The following TBX1 variants were observed in gnomAD, a reference collection of about 807,000 sequenced individuals.
The protein encoded by TBX1 is T-box transcription factor 1.
In TBX1, 16 loss-of-function variants were observed where a neutral mutation model predicts 40.8. That is an observed-to-expected ratio of 0.39 (90% CI 0.27 to 0.60). TBX1 has a LOEUF of 0.60. Ranked by LOEUF, TBX1 falls within the 20% of genes least tolerant of loss-of-function variation. TBX1 has a pLI of 0.51. For missense variants in TBX1, 755 were observed against 728.5 expected (o/e 1.04, Z -0.42); for synonymous variants, 403 against 336.8 (o/e 1.20, Z -2.15).
At chr22:19,759,365 C>T, upstream of TBX1, 1 of 490,474 alleles carries the variant, frequency 2.0e-6, no homozygotes, top group Non-Finnish European at 2.6e-6. Context: ...ATCCTCTGGG[C>T]CAGGGGCCCC....
intron 2 of TBX1, 87 bp downstream of exon 2, chr22:19,763,429 G>T: frequency 8.0e-7 from 1 of 1,253,040 alleles, no homozygotes; most frequent in Non-Finnish European, 1.2e-6. Flanking sequence ...TCCAAGGGTC[G>T]TCTGCACCAT....
intron 6 of TBX1, 70 bp downstream of exon 6, chr22:19,766,072 C>T (rs1369494570): frequency 3.1e-6 from 4 of 1,297,312 alleles, no homozygotes; most frequent in Non-Finnish European, 4.0e-6. Context: ...CGGCCTCGCC[C>T]GACCTCGCCT....
intron 1 of TBX1, 52 bp downstream of exon 1, chr22:19,761,332 G>A (rs550125993): frequency 1.3e-6 from 2 of 1,502,034 alleles, no homozygotes; most frequent in Admixed American, 2.0e-5. Context: ...TGCCGCCAGG[G>A]CTGCGGGCCT....
chr22:19,773,989 C>T (rs936202521), intron 8 of TBX1, among the ~76,000 whole-genome samples: 13 of 152,232 alleles, frequency 8.5e-5, no homozygotes, highest in Admixed American at 2.0e-4. Flanking sequence ...ATTTGAGCTG[C>T]AGGACAGAGA....
Position 19,760,791 on chromosome 22 carries a change from C to T in TBX1, c.-53C>T. ...GCGGCGCCCGCCACTCGGCCCGCGG[C>T]GCGGGGCAGCGCTCAGCTTGGTGGC... is the stretch of plus-strand genomic sequence containing the variant. On this transcript the variant is annotated 5_prime_UTR_variant, in exon 1 of 7. Coordinates refer to ENST00000649276, the MANE Select transcript of TBX1 (RefSeq NM_001379200.1). 1.9e-6 allele frequency: 1 copy of T among 528,358 alleles called. No homozygotes were observed. The highest frequency in any genetic ancestry group is 7.9e-5 in the South Asian group (1 of 12,662). 32.7% of individuals were successfully genotyped at this position (528,358 alleles called of 1,614,324 possible). A position where few individuals can be genotyped will look rare whatever the true frequency, so the allele number is the denominator to read the frequency against.
upstream of TBX1, chr22:19,759,441 TGCGGCTGGGCACACGCAGTCG>T: frequency 7.2e-7 from 1 of 1,387,534 alleles, no homozygotes; most frequent in Admixed American, 3.4e-5. Flanking sequence ...CTGGGCGCGG[TGCGGCTGGGCACACGCAGTCG>T]GAGGCGGCGC....
Position 19,766,699 on chromosome 22 carries a change from C to T in TBX1, c.1347C>T (p.Gly449=), listed in dbSNP as rs1358757635. 9.7e-6 allele frequency: 15 copies of T among 1,547,078 alleles called. No homozygotes were observed. Among genetic ancestry groups the T allele is most frequent in the Non-Finnish European group, 1.2e-5 (14 of 1,155,508 alleles). The part of the protein sequence containing the change: ...KSRPAPYPLP[G]LRGHGYHPHA... The stretch of plus-strand genomic sequence containing the variant: ...GGCCGGCGCCCTACCCGCTGCCCGG[C>T]CTGCGTGGCCACGGCTACCACCCGC... The change falls in exon 7 of 7, where the codon GGC becomes GGT. Residue 449 remains glycine, a synonymous_variant. Transcript: ENST00000649276.
At chr22:19,780,376 T>C (rs897702164), downstream of TBX1, among the ~76,000 whole-genome samples, 12 of 152,232 alleles carry the variant, frequency 7.9e-5, no homozygotes, top group African/African-American at 2.7e-4. Context: ...GCATTTGTCT[T>C]TTTGTGGCTG....
In TBX1 at chr22:19,766,634, C is replaced by T. The variant is rs368614435; in HGVS notation, c.1282C>T (p.Pro428Ser). Reference protein sequence around the residue: ...EPLHHHPYKYPAAAYDHYLGA... With the variant: ...EPLHHHPYKYSAAAYDHYLGA... ...GCTGCACCACCACCCCTACAAATAT[C>T]CGGCCGCCGCCTACGACCACTATCT... The change falls in exon 7 of 7, where the codon CCG becomes TCG. Residue 428 changes from proline (P) to serine (S), a missense_variant. Transcript: ENST00000649276. 4.5e-6 allele frequency: 7 copies of T among 1,549,208 alleles called. No homozygotes were observed. The highest frequency in any genetic ancestry group is 6.1e-6 in the Non-Finnish European group (7 of 1,155,982).
rs1390963668 is a variant in TBX1 at position 19,766,787 on chromosome 22, G to A, written c.1435G>A (p.Ala479Thr). 1 of 1,498,610 alleles carries A rather than the reference G, an allele frequency of 6.7e-7. No homozygotes were observed. Among genetic ancestry groups the A allele is most frequent in the Non-Finnish European group, 8.8e-7 (1 of 1,139,390 alleles). The allele number at this position is 1,498,610 out of a possible 1,614,324, so 92.8% of individuals were successfully genotyped here. ...AGCCGCCGCGGCCGCCGCCGCCGCTGCCGCAGCTGCCGCGGCCGCCAACAT... is the reference window on the plus strand; with the variant it reads ...AGCCGCCGCGGCCGCCGCCGCCGCTACCGCAGCTGCCGCGGCCGCCAACAT... ...SPAAAAAAAA[A>T]AAAAAANMYS... is the part of the protein sequence containing the mutation. The change falls in exon 7 of 7, where the codon GCC (alanine) becomes ACC (threonine). Residue 479 changes from alanine (A) to threonine (T), a missense_variant. Around this residue, in one of 3 missense-constraint regions of TBX1, gnomAD observed 412 missense variants for 317.6 expected, o/e 1.30. Transcript: ENST00000649276.
In TBX1 at chr22:19,766,584, T is replaced by G. The variant is rs1478362771; in HGVS notation, c.1232T>G (p.Leu411Arg). ...RPSPPNPELR[L>R]EAPGASEPLH... ...AGTCCCCCGAACCCCGAGCTGCGCC[T>G]GGAGGCGCCCGGCGCATCGGAGCCG... Residue 411 changes from leucine (L) to arginine (R), a missense_variant, in exon 7 of 7, where the codon CTG becomes CGG. By Grantham distance (102) the Leu-to-Arg change is moderately radical (BLOSUM62 -2). This residue lies in a region of TBX1 where 412 missense variants were observed against 317.6 expected (regional missense o/e 1.30). Transcript: ENST00000649276. The G allele has an allele frequency of 6.8e-7, 1 of 1,471,202 alleles. No homozygotes were observed. The highest frequency in any genetic ancestry group is 9.0e-7 in the Non-Finnish European group (1 of 1,115,624). 91.1% of individuals were successfully genotyped at this position (1,471,202 alleles called of 1,614,324 possible). A position where few individuals can be genotyped will look rare whatever the true frequency, so the allele number is the denominator to read the frequency against.
chr22:19,763,868 G>A lies in TBX1; in HGVS notation c.540-287G>A, dbSNP rs548574135. 2.6e-5 allele frequency among the ~76,000 whole-genome samples: 4 copies of A among 152,314 alleles called. No homozygotes were observed. The East Asian group carries it at 7.7e-4, about 30-fold the overall frequency. ...GCTCCCACCGCAGCGGCACCGGGGC[G>A]GGAGGACCCGCATCCAGCGAAATGA... On this transcript the variant is annotated intron_variant, in intron 2 of 6. Coordinates refer to ENST00000649276, the MANE Select transcript of TBX1 (RefSeq NM_001379200.1).
chr22:19,767,276 T>C lies in TBX1; in HGVS notation c.*409T>C. The C allele has an allele frequency of 1.0e-6, 1 of 999,596 alleles. No homozygotes were observed. Among genetic ancestry groups the C allele is most frequent in the Non-Finnish European group, 1.2e-6 (1 of 839,578 alleles). 61.9% of individuals were successfully genotyped at this position (999,596 alleles called of 1,614,324 possible). A position where few individuals can be genotyped will look rare whatever the true frequency, so the allele number is the denominator to read the frequency against. ...GCGGTGTAGATACATGTAGATACTG[T>C]AGATACTGTAGATACCGCCCCGGCG... On this transcript the variant is annotated 3_prime_UTR_variant, in exon 7 of 7. Transcript: ENST00000649276.
chr22:19,772,546 C>A (rs768137026), intron 8 of TBX1, among the ~76,000 whole-genome samples: 3 of 152,078 alleles, frequency 2.0e-5, no homozygotes, highest in Non-Finnish European at 2.9e-5. Flanking sequence ...GAACTCTTGG[C>A]CTCAAGTGAT....
chr22:19,758,806 G>T (rs72646947), upstream of TBX1, among the ~76,000 whole-genome samples: 2 of 152,220 alleles, frequency 1.3e-5, no homozygotes, highest in African/African-American at 4.8e-5. Context: ...CGCGGGCTGC[G>T]CAGCCTGGGC....
upstream of TBX1, chr22:19,759,569 G>A (rs1436767583): frequency 6.3e-7 from 1 of 1,590,070 alleles, no homozygotes; most frequent in Non-Finnish European, 8.5e-7. Context: ...GGAGGCGGCG[G>A]AGCGCACCGC....
rs139776757 is a variant in TBX1 at position 19,763,274 on chromosome 22, C to T, written c.471C>T (p.Phe157=). The T allele has an allele frequency of 4.2e-3, 6,834 of 1,614,176 alleles. 19 individuals are homozygous for T. The highest frequency in any genetic ancestry group is 5.3e-3 in the Non-Finnish European group (6,204 of 1,179,992). ...RMFPTFQVKL[F]GMDPMADYML... is the part of the protein sequence containing the mutation. The stretch of plus-strand genomic sequence containing the variant: ...TTCCCACCTTCCAAGTGAAGCTCTT[C>T]GGCATGGATCCCATGGCCGACTATA... The change falls in exon 2 of 7, where the codon TTC becomes TTT. Residue 157 remains phenylalanine, a synonymous_variant. Coordinates refer to ENST00000649276, the MANE Select transcript of TBX1 (RefSeq NM_001379200.1).
chr22:19,767,389 G>A (rs894107286), downstream of TBX1: 2 of 986,156 alleles, frequency 2.0e-6, no homozygotes, highest in African/African-American at 3.5e-5. Flanking sequence ...GGAATCTTCG[G>A]GACAGCGAGC....
downstream of TBX1, among the ~76,000 whole-genome samples, chr22:19,782,275 C>G (rs1937149817): frequency 6.6e-6 from 1 of 152,204 alleles, no homozygotes; most frequent in Non-Finnish European, 1.5e-5. Context: ...GTTAAGTTTT[C>G]CAATCCATGA....
Sources: gnomAD v4.1 joint callset for allele counts (sites outside exome capture counted in the v4.1 genomes callset) on GRCh38, gnomAD v4.1.1 for gene constraint, gnomAD v4.1.1 regional missense constraint, MANE v1.5 for transcripts, NCBI Gene and HGNC (gene_info 2026-07-23, HGNC 2026-07-21) for gene names.